Variants in TENM3 observed in about 807,000 individuals in gnomAD.
TENM3 encodes the protein teneurin transmembrane protein 3.
Under a neutral mutation model 255.1 loss-of-function variants are expected in TENM3, and 63 were observed. That is an observed-to-expected ratio of 0.25 (90% CI 0.20 to 0.30). The LOEUF is 0.30. Among genes scored for constraint, TENM3 ranks in the 10% least tolerant of loss-of-function variants. The pLI is 1.00. For synonymous variants in TENM3, 1,306 were observed against 1,322.3 expected (o/e 0.99, Z 0.27); for missense variants, 2,929 against 3,461.1 (o/e 0.85, Z 3.86).
At chr4:181,693,522 C>T in the TENM3 span, among the ~76,000 whole-genome samples, 2 of 152,154 alleles carry the variant, frequency 1.3e-5, no homozygotes, top group African/African-American at 4.8e-5. Flanking sequence ...GTTATGTAGT[C>T]CCCTGACTTT....
chr4:181,551,717 AG>A, the TENM3 span, among the ~76,000 whole-genome samples: 1 of 152,134 alleles, frequency 6.6e-6, no homozygotes, highest in East Asian at 1.9e-4. Context: ...GTGAATAAAA[AG>A]GTTCAACAGT....
chr4:182,726,712 G>A (rs561609363), intron 13 of TENM3, among the ~76,000 whole-genome samples: 67 of 152,278 alleles, frequency 4.4e-4, no homozygotes, highest in African/African-American at 1.4e-3. Context: ...GAAGCACAGC[G>A]TCCGCTACTT....
At chr4:182,552,684 C>T (rs1286245899) in intron 3 of TENM3, among the ~76,000 whole-genome samples, 4 of 152,070 alleles carry the variant, frequency 2.6e-5, no homozygotes, top group Non-Finnish European at 5.9e-5. Context: ...GGATGATGAC[C>T]ATCTAGTTCT....
the TENM3 span, among the ~76,000 whole-genome samples, chr4:182,053,263 A>G: frequency 6.6e-6 from 1 of 152,062 alleles, no homozygotes; most frequent in African/African-American, 2.4e-5. Flanking sequence ...TCATTATCTC[A>G]TTTGTTTCTA....
intron 3 of TENM3, among the ~76,000 whole-genome samples, chr4:182,412,855 ACT>A (rs1308528007): frequency 6.7e-6 from 1 of 150,202 alleles, no homozygotes; most frequent in Non-Finnish European, 1.5e-5. Flanking sequence ...ACAGAGTGAG[ACT>A]CTGTCTCAAA....
Position 182,146,165 on chromosome 4 carries a change from C to G in TENM3, c.-76+1411C>G, listed in dbSNP as rs917452680. On this transcript the variant is annotated intron_variant, in intron 1 of 2. Transcript: ENST00000512480. ...AGAGCAACTGTGTAATAATAATTAT[C>G]TATTTTAATATTTCAATTAAAACAA... Among the ~76,000 whole-genome samples the G allele has an allele frequency of 2.0e-5, 3 of 152,172 alleles. 1 individual carries two copies. The highest frequency in any genetic ancestry group is 4.8e-5 in the African/African-American group (2 of 41,450).
intron 6 of TENM3, among the ~76,000 whole-genome samples, chr4:182,662,496 C>T (rs537583180): frequency 4.7e-4 from 72 of 152,272 alleles, no homozygotes; most frequent in Non-Finnish European, 9.6e-4. Context: ...CACTCTGTTG[C>T]CCTGTCTCTA....
the TENM3 span, among the ~76,000 whole-genome samples, chr4:182,114,495 A>T: frequency 6.6e-6 from 1 of 152,004 alleles, no homozygotes; most frequent in African/African-American, 2.4e-5. Flanking sequence ...GCCACAATCC[A>T]TATTGCCATA....
upstream of TENM3, chr4:182,141,785 C>A (rs575441038): frequency 2.0e-5 from 3 of 152,180 alleles, no homozygotes; most frequent in Non-Finnish European, 4.4e-5. Context: ...TGTTTTCCTA[C>A]CTTTATTACC....
chr4:182,633,738 G>C (rs893557425), intron 5 of TENM3, among the ~76,000 whole-genome samples: 5 of 152,240 alleles, frequency 3.3e-5, no homozygotes, highest in Non-Finnish European at 7.3e-5. Flanking sequence ...GTGGCTTAGA[G>C]AGATGGCTCG....
At chr4:182,587,116 A>G (rs1746100360) in intron 3 of TENM3, among the ~76,000 whole-genome samples, 1 of 152,122 alleles carries the variant, frequency 6.6e-6, no homozygotes, top group South Asian at 2.1e-4. Flanking sequence ...TAAGAGACAC[A>G]GTCTCACTCT....
At chr4:182,179,405 C>T (rs2149731596) in intron 1 of TENM3, among the ~76,000 whole-genome samples, 1 of 152,290 alleles carries the variant, frequency 6.6e-6, no homozygotes, top group Non-Finnish European at 1.5e-5. Context: ...AATTTTAAAA[C>T]ATCCCTCTCT....
intron 3 of TENM3, among the ~76,000 whole-genome samples, chr4:182,596,205 A>AT (rs770080989): frequency 2.0e-5 from 3 of 152,216 alleles, no homozygotes; most frequent in Non-Finnish European, 4.4e-5. Flanking sequence ...CATATTTGCA[A>AT]ATTACCTTAT....
At chr4:181,489,361 A>T in the TENM3 span, among the ~76,000 whole-genome samples, 1 of 152,186 alleles carries the variant, frequency 6.6e-6, no homozygotes, top group East Asian at 1.9e-4. Context: ...GACTTTTAAA[A>T]GTACGATTGT....
the TENM3 span, among the ~76,000 whole-genome samples, chr4:181,470,121 A>AAAAC: frequency 8.7e-4 from 24 of 27,514 alleles, no homozygotes; most frequent in South Asian, 0.016. Flanking sequence ...AAAAAAAAAA[A>AAAAC]AAAACATTAT....
At chr4:181,996,300 A>G in the TENM3 span, among the ~76,000 whole-genome samples, 1 of 152,280 alleles carries the variant, frequency 6.6e-6, no homozygotes, top group Middle Eastern at 3.4e-3. Flanking sequence ...GAGACAGTAC[A>G]GAAGGGGACA....
Position 182,443,617 on chromosome 4 carries a change from C to G in TENM3, c.511+96688C>G, listed in dbSNP as rs76675638. On this transcript the variant is annotated intron_variant, in intron 3 of 27. Coordinates refer to ENST00000511685, the MANE Select transcript of TENM3 (RefSeq NM_001080477.4). ...TAGGAATGATGTCCCTACCTCACCC[C>G]CTTCCCTCCTACTTGGATAGTTGCC... 6.7e-3 allele frequency among the ~76,000 whole-genome samples: 1,017 copies of G among 152,270 alleles called. 12 individuals are homozygous for G. Among genetic ancestry groups the G allele is most frequent in the Non-Finnish European group, 8.3e-3 (568 of 68,024 alleles).
At chr4:182,271,097 T>C (rs1759588896) in intron 1 of TENM3, among the ~76,000 whole-genome samples, 2 of 152,220 alleles carry the variant, frequency 1.3e-5, no homozygotes, top group African/African-American at 4.8e-5. Flanking sequence ...TTTAAAACTA[T>C]AGTTCAGGAC....
At chr4:181,463,598 G>A in the TENM3 span, among the ~76,000 whole-genome samples, 1 of 152,066 alleles carries the variant, frequency 6.6e-6, no homozygotes, top group Non-Finnish European at 1.5e-5. Context: ...AAGATTTTTG[G>A]TTGTTGTCAT....
Sources: allele counts gnomAD v4.1 joint callset (sites outside exome capture counted in the v4.1 genomes callset), GRCh38; gene constraint gnomAD v4.1.1; transcripts MANE v1.5; gene names NCBI Gene and HGNC (gene_info 2026-07-23, HGNC 2026-07-21).